The following TENM3 variants were observed in gnomAD, a reference collection of about 807,000 sequenced individuals.
TENM3 encodes the protein teneurin-3.
Under a neutral mutation model 255.1 loss-of-function variants are expected in TENM3, and 63 were observed. The ratio of observed to expected loss-of-function variants is 0.25; its 90% confidence interval spans 0.20 to 0.30. The LOEUF (loss-of-function observed/expected upper bound fraction) is 0.30, where lower values mean the gene tolerates loss of function less well. TENM3 is among the 10% of genes least tolerant of loss of function. TENM3 has a pLI of 1.00. For synonymous variants in TENM3, 1,306 were observed against 1,322.3 expected, an observed-to-expected ratio of 0.99 and a Z score of 0.27; for missense variants, 2,929 against 3,461.1, an observed-to-expected ratio of 0.85 and a Z score of 3.86.
At chr4:182,376,105 C>T (rs1767162598) in intron 3 of TENM3, among the ~76,000 whole-genome samples, 1 of 152,046 alleles carries the variant, frequency 6.6e-6, no homozygotes, top group Non-Finnish European at 1.5e-5. Flanking sequence ...TACTCGAATT[C>T]GTCATATGTT....
the TENM3 span, among the ~76,000 whole-genome samples, chr4:181,945,186 A>G: frequency 2.0e-5 from 3 of 152,226 alleles, no homozygotes; most frequent in East Asian, 2.0e-4. Context: ...GGAAAGATGT[A>G]TAAACTACAG....
chr4:182,362,314 C>A (rs1396108911), intron 3 of TENM3, among the ~76,000 whole-genome samples: 2 of 152,102 alleles, frequency 1.3e-5, no homozygotes, highest in South Asian at 2.1e-4. Flanking sequence ...CTGTGCCCTG[C>A]ACCCAGAGGT....
In TENM3 at chr4:182,755,158, C is replaced by T; in HGVS notation, c.4791C>T (p.Ser1597=). Residue 1597 remains serine, a synonymous_variant, in exon 22 of 28, where the codon AGC becomes AGT. Transcript: ENST00000511685. The stretch of plus-strand genomic sequence containing the variant: ...TAGGAACAAATGGATGTTTGAAAAG[C>T]ATGACTGCTCAAGGACTGGAATTAG... ...LTIGTNGCLK[S]MTAQGLELVL... 3 of 1,613,942 alleles carry T rather than the reference C, an allele frequency of 1.9e-6. No homozygotes were observed. The highest frequency in any genetic ancestry group is 2.5e-6 in the Non-Finnish European group (3 of 1,179,896).
At chr4:181,900,142 T>TA in the TENM3 span, among the ~76,000 whole-genome samples, 1 of 152,164 alleles carries the variant, frequency 6.6e-6, no homozygotes, top group African/African-American at 2.4e-5. Context: ...AGGAAGATCT[T>TA]AAATCTTCAT....
At chr4:181,932,982 G>T in the TENM3 span, among the ~76,000 whole-genome samples, 1 of 152,280 alleles carries the variant, frequency 6.6e-6, no homozygotes, top group African/African-American at 2.4e-5. Flanking sequence ...CACGGACACA[G>T]GGAGGGGAGC....
chr4:182,099,926 A>G, the TENM3 span, among the ~76,000 whole-genome samples: 35,265 of 152,050 alleles, frequency 0.23, 4,488 homozygotes, highest in East Asian at 0.49. Context: ...GAGTAGCTGA[A>G]CAATTGTACC....
chr4:182,084,459 T>A, the TENM3 span, among the ~76,000 whole-genome samples: 1 of 152,214 alleles, frequency 6.6e-6, no homozygotes, highest in Non-Finnish European at 1.5e-5. Context: ...AGAAGATGCC[T>A]TTGAGAACCA....
At chr4:182,535,379 G>C (rs529863055) in intron 3 of TENM3, among the ~76,000 whole-genome samples, 2 of 152,266 alleles carry the variant, frequency 1.3e-5, no homozygotes, top group African/African-American at 4.8e-5. Context: ...TAGACTCTGA[G>C]GCAAGGCAGA....
At chr4:182,095,964 CA>C in the TENM3 span, among the ~76,000 whole-genome samples, 1 of 151,182 alleles carries the variant, frequency 6.6e-6, no homozygotes, top group Non-Finnish European at 1.5e-5. Flanking sequence ...AAAATCAAAA[CA>C]AAAAAACAGA....
chr4:182,288,463 A>G (rs780208967), intron 1 of TENM3, among the ~76,000 whole-genome samples: 3 of 152,174 alleles, frequency 2.0e-5, no homozygotes, highest in Non-Finnish European at 4.4e-5. Flanking sequence ...AAGTTCCTCT[A>G]GGACAGGAAT....
the TENM3 span, among the ~76,000 whole-genome samples, chr4:181,556,413 G>T: frequency 6.6e-6 from 1 of 151,896 alleles, no homozygotes; most frequent in Non-Finnish European, 1.5e-5. Flanking sequence ...TACAACATTA[G>T]TTTATGAAGC....
the TENM3 span, among the ~76,000 whole-genome samples, chr4:181,999,516 A>G: frequency 1.3e-5 from 2 of 152,204 alleles, no homozygotes; most frequent in Admixed American, 1.3e-4. Context: ...TTGTGAAGCA[A>G]TGAGAATACA....
chr4:182,063,953 G>A, the TENM3 span, among the ~76,000 whole-genome samples: 3 of 152,148 alleles, frequency 2.0e-5, no homozygotes, highest in Non-Finnish European at 4.4e-5. Flanking sequence ...ATAGAATGCA[G>A]GAACAGATGA....
chr4:182,573,891 G>A (rs146756320), intron 3 of TENM3, among the ~76,000 whole-genome samples: 1 of 152,042 alleles, frequency 6.6e-6, no homozygotes, highest in East Asian at 1.9e-4. Flanking sequence ...TTTCACACTT[G>A]TCATTATTTA....
chr4:182,372,759 C>T (rs1276081218), intron 3 of TENM3, among the ~76,000 whole-genome samples: 8 of 152,214 alleles, frequency 5.3e-5, no homozygotes, highest in African/African-American at 1.4e-4. Context: ...TTTTGAGTCT[C>T]GCTCTGTCAC....
At chr4:182,515,715 T>C (rs1737870335) in intron 3 of TENM3, among the ~76,000 whole-genome samples, 1 of 152,166 alleles carries the variant, frequency 6.6e-6, no homozygotes, top group Non-Finnish European at 1.5e-5. Context: ...TTAATACATA[T>C]TTTGGATGAT....
the TENM3 span, among the ~76,000 whole-genome samples, chr4:181,472,801 TC>T: frequency 1.3e-5 from 2 of 152,192 alleles, no homozygotes; most frequent in Admixed American, 1.3e-4. Context: ...TGGGCTCTTC[TC>T]CCTCCTAATT....
intron 1 of TENM3, among the ~76,000 whole-genome samples, chr4:182,258,826 C>T (rs747795734): frequency 6.6e-6 from 1 of 152,198 alleles, no homozygotes; most frequent in Non-Finnish European, 1.5e-5. Flanking sequence ...CTCCTCTTCT[C>T]ATCCAGCATT....
At chr4:182,061,690 T>C in the TENM3 span, among the ~76,000 whole-genome samples, 1,733 of 152,228 alleles carry the variant, frequency 0.011, 29 homozygotes, top group African/African-American at 0.038. Context: ...TGGGCGTGGC[T>C]GCTCACGCCC....
Sources: allele counts gnomAD v4.1 joint callset (sites outside exome capture counted in the v4.1 genomes callset), GRCh38; gene constraint gnomAD v4.1.1; transcripts MANE v1.5; gene names NCBI Gene and HGNC (gene_info 2026-07-23, HGNC 2026-07-21).